VCPKMT: variants seen among roughly 807,000 people sequenced by gnomAD.
VCPKMT encodes the protein valosin containing protein lysine methyltransferase.
Under a neutral mutation model 28.6 loss-of-function variants are expected in VCPKMT, and 32 were observed. That is an observed-to-expected ratio of 1.12 (90% CI 0.84 to 1.50). VCPKMT has a LOEUF of 1.50. Ranked by LOEUF, VCPKMT falls within the 40% of genes most tolerant of loss-of-function variation. The pLI is 0.00. For synonymous variants in VCPKMT, 138 were observed against 111.4 expected, an observed-to-expected ratio of 1.24 and a Z score of -1.50; for missense variants, 366 against 285.0, an observed-to-expected ratio of 1.28 and a Z score of -2.05.
rs751960744 is a variant in VCPKMT at position 50,114,324 on chromosome 14, T to G, written c.531A>C (p.Thr177=). The stretch of plus-strand genomic sequence containing the variant: ...TCTCAATTTCTGGATTTTTCCCCAT[T>G]GTTCGTTGTTCATAACAACATATAA... ...TCIICCYEQR[T]MGKNPEIEKK... Residue 177 remains threonine, a synonymous_variant, in exon 4 of 6, where the codon ACA becomes ACC. Coordinates refer to ENST00000395860, the MANE Select transcript of VCPKMT (RefSeq NM_024558.3). 6.3e-7 allele frequency: 1 copy of G among 1,589,192 alleles called. No individual in the cohort carries two copies.
At chr14:50,105,649 A>G (rs1882294264), downstream of VCPKMT, among the ~76,000 whole-genome samples, 1 of 152,180 alleles carries the variant, frequency 6.6e-6, no homozygotes, top group African/African-American at 2.4e-5. Flanking sequence ...ACAAAACAAC[A>G]AAAAACTAAT....
the VCPKMT span, among the ~76,000 whole-genome samples, chr14:50,103,059 T>A: frequency 7.9e-5 from 12 of 152,228 alleles, no homozygotes; most frequent in South Asian, 2.1e-4. Flanking sequence ...TGCAATTTTT[T>A]AAAAACTCAT....
chr14:50,114,216 C>T, intron 4 of VCPKMT, 69 bp downstream of exon 4: 2 of 1,350,750 alleles, frequency 1.5e-6, no homozygotes, highest in Non-Finnish European at 1.9e-6. Context: ...CCATAATATA[C>T]TTGAAGAGTC....
intron 5 of VCPKMT, chr14:50,111,685 C>A (rs1381303198): frequency 4.5e-6 from 4 of 888,076 alleles, no homozygotes; most frequent in East Asian, 2.4e-4. Flanking sequence ...CAAAATCAGC[C>A]TGGACAACAT....
At position 50,116,143 on chromosome 14, in the gene VCPKMT, T is replaced by C. The variant is rs150700486; in HGVS notation, c.303A>G (p.Gln101=). The C allele has an allele frequency of 4.3e-5, 69 of 1,614,120 alleles. No individual in the cohort carries two copies. The highest frequency in any genetic ancestry group is 7.7e-5 in the South Asian group (7 of 91,080). Residue 101 remains glutamine, a synonymous_variant, in exon 2 of 6, where the codon CAA becomes CAG. Coordinates refer to ENST00000395860, the MANE Select transcript of VCPKMT (RefSeq NM_024558.3). ...TATTAATATTCATCTTCAGCAAGTCTTGCAATTCCTCAAGATCGGTGACTA... is the reference window on the plus strand; with the variant it reads ...TATTAATATTCATCTTCAGCAAGTCCTGCAATTCCTCAAGATCGGTGACTA... ...DVVVTDLEEL[Q]DLLKMNINMN...
At position 50,113,315 on chromosome 14, in the gene VCPKMT, A is replaced by G. The variant is rs374608412; in HGVS notation, c.571-596T>C. On this transcript the variant is annotated intron_variant, in intron 4 of 5. Coordinates refer to ENST00000395860, the MANE Select transcript of VCPKMT (RefSeq NM_024558.3). ...TGCATCATTTCAAAAGTTCATGAAC[A>G]TTTTTCATATTCAAGAAAAACATGA... is the stretch of plus-strand genomic sequence containing the variant. 7 of 152,324 alleles carry G rather than the reference A, an allele frequency of 4.6e-5. No homozygotes were observed. In the East Asian group the frequency reaches 1.3e-3, roughly 29 times the overall value. The allele number at this position is 152,324 out of a possible 1,614,324, so 9.4% of individuals were successfully genotyped here. A position where few individuals can be genotyped will look rare whatever the true frequency, so the allele number is the denominator to read the frequency against.
At chr14:50,111,251 T>G (rs746794291) in intron 5 of VCPKMT, 143 of 985,004 alleles carry the variant, frequency 1.5e-4, no homozygotes, top group Non-Finnish European at 1.6e-4. Flanking sequence ...ATTCTACTTT[T>G]AAAACTGCAC....
Position 50,113,105 on chromosome 14 carries a change from T to C in VCPKMT, c.571-386A>G, listed in dbSNP as rs557603623. On this transcript the variant is annotated intron_variant, in intron 4 of 5. Transcript: ENST00000395860. ...CTGGTCAGTGGTTACCTTTTGAGTATTGCCTGGGAAAGGGCAGTGTGCAAA... is the reference window on the plus strand; with the variant it reads ...CTGGTCAGTGGTTACCTTTTGAGTACTGCCTGGGAAAGGGCAGTGTGCAAA... Among the ~76,000 whole-genome samples the C allele has an allele frequency of 2.0e-4, 30 of 152,252 alleles. No individual in the cohort carries two copies. The East Asian group carries it at 5.0e-3, about 25-fold the overall frequency.
In VCPKMT at chr14:50,115,911, C is replaced by T. The variant is rs145518143; in HGVS notation, c.378G>A (p.Trp126Ter). ...AAGGAAAGCCTTCTATTTCTTCCCC[C>T]CTTAAAAATGCCAAACAAATATTTC... ...TGSVQAKVLK[W>*]GEEIEGFPSP... Residue 126 changes from tryptophan (W) to a stop codon, truncating the protein, a stop_gained and splice_region_variant, in exon 3 of 6, where the codon TGG becomes TGA. Coordinates refer to ENST00000395860, the MANE Select transcript of VCPKMT (RefSeq NM_024558.3). LOFTEE classifies it high-confidence loss of function. 220 of 1,613,178 alleles carry T rather than the reference C, an allele frequency of 1.4e-4. 1 individual carries two copies. In the East Asian group the frequency reaches 4.8e-3, roughly 35 times the overall value.
intron 4 of VCPKMT, 118 bp downstream of exon 4, chr14:50,114,167 A>G: frequency 9.9e-7 from 1 of 1,008,386 alleles, no homozygotes; most frequent in South Asian, 3.3e-5. Flanking sequence ...TCCTTTCCTC[A>G]GCTTCACACA....
chr14:50,115,803 T>A, intron 3 of VCPKMT, 36 bp downstream of exon 3: 1 of 1,575,890 alleles, frequency 6.3e-7, no homozygotes. Context: ...AAGGTTCATC[T>A]TCTAAGTGAA....
chr14:50,103,881 C>G (rs1263432846), downstream of VCPKMT, among the ~76,000 whole-genome samples: 6 of 152,190 alleles, frequency 3.9e-5, no homozygotes, highest in Non-Finnish European at 7.4e-5. Flanking sequence ...TGCATATTTT[C>G]CAAGTGCCCA....
At chr14:50,103,965 T>G (rs536452726), downstream of VCPKMT, among the ~76,000 whole-genome samples, 2 of 152,182 alleles carry the variant, frequency 1.3e-5, no homozygotes, top group Non-Finnish European at 2.9e-5. Context: ...GTACATTACA[T>G]GTATTTGACT....
At position 50,109,238 on chromosome 14, in the gene VCPKMT, T is replaced by G. The variant is rs1232500100; in HGVS notation, c.*461A>C. The stretch of plus-strand genomic sequence containing the variant: ...ATACAAATGATAAATATTGTATAAT[T>G]ATGTACAAAATGAAAACCTTTTAAA... On this transcript the variant is annotated 3_prime_UTR_variant, in exon 6 of 6. Coordinates refer to ENST00000395860, the MANE Select transcript of VCPKMT (RefSeq NM_024558.3). The G allele has an allele frequency of 2.2e-6, 2 of 918,742 alleles. No individual in the cohort carries two copies. Among genetic ancestry groups the G allele is most frequent in the Admixed American group, 6.2e-5 (1 of 16,224 alleles). 56.9% of individuals were successfully genotyped at this position (918,742 alleles called of 1,614,324 possible).
chr14:50,110,189 C>T (rs971155841), intron 5 of VCPKMT, among the ~76,000 whole-genome samples: 8 of 152,086 alleles, frequency 5.3e-5, no homozygotes, highest in African/African-American at 1.9e-4. Context: ...AGAGGTTGCA[C>T]TGAGCCAAGA....
At chr14:50,104,424 T>A (rs925849516), downstream of VCPKMT, among the ~76,000 whole-genome samples, 1 of 152,242 alleles carries the variant, frequency 6.6e-6, no homozygotes, top group African/African-American at 2.4e-5. Flanking sequence ...AAGTAAAAAC[T>A]TAGCTTTTCC....
the VCPKMT span, among the ~76,000 whole-genome samples, chr14:50,103,187 C>A: frequency 6.6e-6 from 1 of 152,200 alleles, no homozygotes; most frequent in Admixed American, 6.5e-5. Flanking sequence ...TTTACACTGG[C>A]TGATGGAGAA....
At chr14:50,109,847 C>T (rs1882525644) in intron 5 of VCPKMT, 134 bp from the exon 6 acceptor site, 1 of 1,039,954 alleles carries the variant, frequency 9.6e-7, no homozygotes, top group Non-Finnish European at 1.3e-6. Flanking sequence ...TTCAAGTGAA[C>T]AACCATGCAT....
chr14:50,116,294 TA>T lies in VCPKMT; in HGVS notation c.258del (p.Thr87ProfsTer7). 6.2e-7 allele frequency: 1 copy of T among 1,603,944 alleles called. No individual in the cohort carries two copies. Among genetic ancestry groups the T allele is most frequent in the Non-Finnish European group, 8.5e-7 (1 of 1,175,670 alleles). On this transcript the variant is annotated frameshift_variant, in exon 1 of 6. Coordinates refer to ENST00000395860, the MANE Select transcript of VCPKMT (RefSeq NM_024558.3). LOFTEE classifies it high-confidence loss of function. The stretch of plus-strand genomic sequence containing the variant: ...CCGCCCGCCAGCTCTTACCCGAGGG[TA>T]GCAGCCATGAGCCCCACGGCCCCGG... ...SGTGAVGLMA[A>X]TLGADVVVTD... is the part of the protein sequence containing the mutation.
Sources: allele counts gnomAD v4.1 joint callset (sites outside exome capture counted in the v4.1 genomes callset), GRCh38; gene constraint gnomAD v4.1.1; transcripts MANE v1.5; gene names NCBI Gene and HGNC (gene_info 2026-07-23, HGNC 2026-07-21).